Variants in SAXO1 observed in about 807,000 individuals in gnomAD.
SAXO1 encodes 4930500O09Rik.
A neutral mutation model predicts 17.5 loss-of-function variants in SAXO1; 21 were observed. That is an observed-to-expected ratio of 1.20 (90% confidence interval 0.85 to 1.72). The LOEUF is 1.72. Among genes scored for constraint, SAXO1 ranks in the 40% most tolerant of loss-of-function variants. SAXO1 has a pLI of 0.00. For synonymous variants in SAXO1, 274 were observed against 216.5 expected, an observed-to-expected ratio of 1.27 and a Z score of -2.33; for missense variants, 843 against 596.0, an observed-to-expected ratio of 1.41 and a Z score of -4.32.
At chr9:18,989,483 TAC>T (rs1365113691) in intron 1 of SAXO1, among the ~76,000 whole-genome samples, 2 of 152,286 alleles carry the variant, frequency 1.3e-5, no homozygotes, top group South Asian at 4.2e-4. Context: ...TTCAAAAATA[TAC>T]ATTTAATGTA....
At chr9:18,939,377 A>G (rs1375647841) in intron 3 of SAXO1, among the ~76,000 whole-genome samples, 1 of 152,236 alleles carries the variant, frequency 6.6e-6, no homozygotes, top group African/African-American at 2.4e-5. Flanking sequence ...TAATTGGGAA[A>G]GAAAAAGACA....
intron 1 of SAXO1, among the ~76,000 whole-genome samples, chr9:18,955,295 C>T (rs1482392565): frequency 6.6e-6 from 1 of 152,072 alleles, no homozygotes; most frequent in Non-Finnish European, 1.5e-5. Flanking sequence ...ATTATCATTT[C>T]AACATCCATT....
chr9:18,982,584 C>CCA (rs1833436442), intron 1 of SAXO1, among the ~76,000 whole-genome samples: 1 of 152,198 alleles, frequency 6.6e-6, no homozygotes, highest in African/African-American at 2.4e-5. Flanking sequence ...CAAACCTTTC[C>CCA]TTCTGGTGAC....
At chr9:19,028,586 T>A (rs894172159) in intron 1 of SAXO1, among the ~76,000 whole-genome samples, 4 of 152,242 alleles carry the variant, frequency 2.6e-5, no homozygotes, top group Admixed American at 2.6e-4. Context: ...GACCTTACTG[T>A]TTCTGCAAAC....
chr9:18,957,245 A>G (rs1832291607), intron 1 of SAXO1, among the ~76,000 whole-genome samples: 1 of 152,238 alleles, frequency 6.6e-6, no homozygotes, highest in African/African-American at 2.4e-5. Context: ...TTTCCCACAG[A>G]ACTTTCTTTG....
chr9:18,969,096 A>C (rs73429288), intron 1 of SAXO1, among the ~76,000 whole-genome samples: 3,167 of 152,136 alleles, frequency 0.021, 106 homozygotes, highest in African/African-American at 0.072. Context: ...TATGTATACA[A>C]ATCCCTAAGC....
chr9:18,972,518 T>G (rs542764113), intron 1 of SAXO1, among the ~76,000 whole-genome samples: 19 of 152,322 alleles, frequency 1.2e-4, no homozygotes, highest in African/African-American at 4.6e-4. Context: ...TTTATCTGTA[T>G]TATCTCAATC....
intron 3 of SAXO1, 141 bp downstream of exon 3, chr9:18,941,496 C>G: frequency 1.2e-6 from 1 of 839,554 alleles, no homozygotes; most frequent in Non-Finnish European, 1.8e-6. Context: ...TATACAAAAA[C>G]AGGCTGCTGG....
At chr9:19,020,008 C>T (rs900948116) in intron 1 of SAXO1, among the ~76,000 whole-genome samples, 2 of 145,988 alleles carry the variant, frequency 1.4e-5, no homozygotes, top group African/African-American at 5.0e-5. Context: ...ATCCTGGTCA[C>T]CAGCAGGTAT....
chr9:18,928,143 G>A lies in SAXO1; in HGVS notation c.1334C>T (p.Pro445Leu). The change falls in exon 4 of 4, where the codon CCA (proline) becomes CTA (leucine). Residue 445 changes from proline to leucine, a missense_variant. Physicochemically the swap from Pro to Leu is moderately conservative, Grantham distance 98. Transcript: ENST00000380534. ...CTGCTGAGAGCCTGCCTGGGAAACT[G>A]GTTTGTATATCCTGTGACCCAAAGC... ...VDALGHRIYKPVSQAGSQQSS... is the reference protein window; with the variant it reads ...VDALGHRIYKLVSQAGSQQSS... 1 of 1,614,184 alleles carries A rather than the reference G, an allele frequency of 6.2e-7. No individual in the cohort carries two copies. The highest frequency in any genetic ancestry group is 1.1e-5 in the South Asian group (1 of 91,084).
At chr9:18,994,082 T>G (rs1412896698) in intron 1 of SAXO1, among the ~76,000 whole-genome samples, 3 of 152,116 alleles carry the variant, frequency 2.0e-5, no homozygotes, top group Non-Finnish European at 2.9e-5. Flanking sequence ...TCAAAAAATA[T>G]CAAGTCTGTT....
At position 18,939,255 on chromosome 9, in the gene SAXO1, G is replaced by A. The variant is rs990194391; in HGVS notation, c.421+2382C>T. On this transcript the variant is annotated intron_variant, in intron 3 of 3. Coordinates refer to ENST00000380534, the MANE Select transcript of SAXO1 (RefSeq NM_153707.4). Reference sequence around the variant, plus strand: ...ATTTCTGGTCTTCTTGTAAACACTGGATTAAAAAGGAGAAGAATGCATTCA... The same window carrying A: ...ATTTCTGGTCTTCTTGTAAACACTGAATTAAAAAGGAGAAGAATGCATTCA... 7.9e-5 allele frequency among the ~76,000 whole-genome samples: 12 copies of A among 152,272 alleles called. No individual in the cohort carries two copies. The South Asian group carries it at 2.5e-3, about 32-fold the overall frequency.
At position 18,927,906 on chromosome 9, in the gene SAXO1, A is replaced by C; in HGVS notation, c.*146T>G. 1.2e-6 allele frequency: 1 copy of C among 844,924 alleles called. No homozygotes were observed. The highest frequency in any genetic ancestry group is 2.6e-5 in the East Asian group (1 of 38,564). The allele number at this position is 844,924 out of a possible 1,614,324, so 52.3% of individuals were successfully genotyped here. On this transcript the variant is annotated 3_prime_UTR_variant, in exon 4 of 4. Transcript: ENST00000380534. Reference sequence around the variant, plus strand: ...ATTTTCCCTGAGTCAAGTGATTCTCATTTTATTCAAGTGCTCTGGAAGTGG... The same window carrying C: ...ATTTTCCCTGAGTCAAGTGATTCTCCTTTTATTCAAGTGCTCTGGAAGTGG...
At chr9:19,039,093 C>G (rs1326162870) in intron 1 of SAXO1, among the ~76,000 whole-genome samples, 1 of 151,766 alleles carries the variant, frequency 6.6e-6, no homozygotes, top group South Asian at 2.1e-4. Context: ...TGAGATCACA[C>G]CACTGCACTC....
intron 2 of SAXO1, 52 bp downstream of exon 2, chr9:18,950,706 T>C (rs1831996960): frequency 1.3e-6 from 2 of 1,491,054 alleles, no homozygotes; most frequent in African/African-American, 2.8e-5. Flanking sequence ...CACTGCATGT[T>C]ACTCCATTAG....
chr9:19,028,628 G>A (rs1182751732), intron 1 of SAXO1, among the ~76,000 whole-genome samples: 1 of 152,206 alleles, frequency 6.6e-6, no homozygotes, highest in East Asian at 1.9e-4. Context: ...TGCTGATTAT[G>A]TTGAAAAGAG....
intron 3 of SAXO1, among the ~76,000 whole-genome samples, chr9:18,935,759 G>A (rs1447055230): frequency 2.0e-5 from 3 of 152,206 alleles, no homozygotes; most frequent in Admixed American, 6.5e-5. Context: ...GACTAACTCA[G>A]AAGTTGTCTT....
At chr9:18,969,372 A>G (rs535709156) in intron 1 of SAXO1, among the ~76,000 whole-genome samples, 12 of 152,286 alleles carry the variant, frequency 7.9e-5, no homozygotes, top group Admixed American at 6.5e-4. Flanking sequence ...TTCACAAGCA[A>G]TCTAGGACCC....
chr9:18,946,629 T>C (rs1007697803), intron 2 of SAXO1, among the ~76,000 whole-genome samples: 5 of 149,344 alleles, frequency 3.3e-5, no homozygotes, highest in Non-Finnish European at 4.4e-5. Context: ...ACCCAAAATC[T>C]GACCCATGCT....
Sources: allele counts gnomAD v4.1 joint callset (sites outside exome capture counted in the v4.1 genomes callset), GRCh38; gene constraint gnomAD v4.1.1; transcripts MANE v1.5; gene names NCBI Gene and HGNC (gene_info 2026-07-23, HGNC 2026-07-21).